The following MFAP5 variants were observed in gnomAD, a reference collection of about 807,000 sequenced individuals.
The protein encoded by MFAP5 is microfibrillar-associated protein 5.
A neutral mutation model predicts 30.1 loss-of-function variants in MFAP5; 19 were observed. The ratio of observed to expected loss-of-function variants is 0.63; its 90% CI spans 0.44 to 0.93. The LOEUF (loss-of-function observed/expected upper bound fraction) is 0.93. Among genes scored for constraint, MFAP5 ranks in the 40% least tolerant of loss-of-function variants. MFAP5 has a pLI of 0.00. For missense variants in MFAP5, 210 were observed against 221.3 expected, an observed-to-expected ratio of 0.95 and a Z score of 0.32; for synonymous variants, 92 against 72.9, an observed-to-expected ratio of 1.26 and a Z score of -1.33.
At chr12:8,658,386 C>T (rs1942060804) in intron 3 of MFAP5, 2 of 152,110 alleles carry the variant, frequency 1.3e-5, no homozygotes, top group Admixed American at 1.3e-4. Flanking sequence ...AGCCTCTTAA[C>T]CTTTCACACT....
chr12:8,652,683 T>C (rs900405918), intron 6 of MFAP5, among the ~76,000 whole-genome samples: 2 of 152,204 alleles, frequency 1.3e-5, no homozygotes, highest in Admixed American at 6.5e-5. Context: ...GTGTATATGC[T>C]GATAATTCCC....
intron 3 of MFAP5, chr12:8,658,399 T>A (rs989179109): frequency 6.6e-6 from 1 of 152,160 alleles, no homozygotes; most frequent in African/African-American, 2.4e-5. Context: ...TTCACACTCA[T>A]TATGGGCTTT....
chr12:8,653,505 C>T (rs1941898464), intron 6 of MFAP5, among the ~76,000 whole-genome samples: 1 of 152,140 alleles, frequency 6.6e-6, no homozygotes, highest in South Asian at 2.1e-4. Flanking sequence ...CGTGTCCACC[C>T]TACACCTTTT....
In MFAP5 at chr12:8,655,432, G is replaced by A; in HGVS notation, c.155C>T (p.Pro52Leu). 2 of 1,606,118 alleles carry A rather than the reference G, an allele frequency of 1.2e-6. No homozygotes were observed. Among genetic ancestry groups the A allele is most frequent in the South Asian group, 1.1e-5 (1 of 88,998 alleles). ...FTEDPNLVND[P>L]ATDETVLAVL... ...AAATTTACCTGTTTCATCTGTAGCG[G>A]GATCATTCACCAGATCTGCAAAGAC... The change falls in exon 5 of 10, where the codon CCC becomes CTC. Residue 52 changes from proline (P) to leucine (L), a missense_variant. Transcript: ENST00000359478.
At chr12:8,650,465 A>T (rs756471420) in intron 8 of MFAP5, 37 bp downstream of exon 8, 1 of 1,587,302 alleles carries the variant, frequency 6.3e-7, no homozygotes, top group Non-Finnish European at 8.7e-7. Context: ...AAACACTACC[A>T]TGGAAGATGC....
chr12:8,650,835 C>A (rs1941818149), intron 7 of MFAP5, among the ~76,000 whole-genome samples: 1 of 152,162 alleles, frequency 6.6e-6, no homozygotes, highest in Non-Finnish European at 1.5e-5. Context: ...TCTGAGAGCA[C>A]TTCTAGGAAT....
intron 3 of MFAP5, among the ~76,000 whole-genome samples, chr12:8,659,816 C>T (rs1047896830): frequency 3.9e-5 from 6 of 152,156 alleles, no homozygotes; most frequent in Non-Finnish European, 8.8e-5. Context: ...AAAACACATG[C>T]AATGCATCCC....
chr12:8,660,532 T>A (rs982500058), intron 3 of MFAP5, among the ~76,000 whole-genome samples: 1 of 152,086 alleles, frequency 6.6e-6, no homozygotes, highest in Non-Finnish European at 1.5e-5. Flanking sequence ...ACGCTTTTTG[T>A]AAGGACTAGT....
intron 3 of MFAP5, among the ~76,000 whole-genome samples, chr12:8,656,102 C>T (rs998339226): frequency 6.7e-6 from 1 of 149,156 alleles, no homozygotes; most frequent in Non-Finnish European, 1.5e-5. Flanking sequence ...GCTCTGTCGC[C>T]CAGGCTGGAG....
chr12:8,655,980 G>A, intron 3 of MFAP5, 150 bp from the exon 4 acceptor site: 1 of 667,286 alleles, frequency 1.5e-6, no homozygotes, highest in East Asian at 2.5e-5. Flanking sequence ...AATGACAAAC[G>A]ATTGATGACT....
At chr12:8,654,035 A>G (rs1389378413) in intron 6 of MFAP5, among the ~76,000 whole-genome samples, 1 of 152,016 alleles carries the variant, frequency 6.6e-6, no homozygotes, top group Non-Finnish European at 1.5e-5. Flanking sequence ...CTGAGAAAGG[A>G]AAATCGCTTG....
At chr12:8,657,566 CTT>C (rs35916052) in intron 3 of MFAP5, among the ~76,000 whole-genome samples, 7,522 of 127,336 alleles carry the variant, frequency 0.059, 94 homozygotes, top group Non-Finnish European at 0.07. Context: ...TTTGCTTTGA[CTT>C]TTTTTTTTTT....
intron 6 of MFAP5, among the ~76,000 whole-genome samples, chr12:8,653,393 C>A (rs1024146712): frequency 5.3e-5 from 8 of 152,064 alleles, no homozygotes; most frequent in Non-Finnish European, 1.0e-4. Flanking sequence ...TTCCACACTG[C>A]CCTGGGAGTA....
intron 3 of MFAP5, among the ~76,000 whole-genome samples, chr12:8,659,323 AT>A (rs1942086413): frequency 6.6e-6 from 1 of 151,308 alleles, no homozygotes. Context: ...AAAAAAAAAA[AT>A]AAAAGGGTCT....
intron 3 of MFAP5, among the ~76,000 whole-genome samples, chr12:8,656,668 ATTT>A (rs1555139703): frequency 2.5e-5 from 3 of 118,804 alleles, no homozygotes; most frequent in Non-Finnish European, 5.1e-5. Context: ...ATATATATAT[ATTT>A]TTTTTTTTTG....
chr12:8,655,862 A>G, intron 3 of MFAP5, 32 bp from the exon 4 acceptor site: 1 of 1,588,804 alleles, frequency 6.3e-7, no homozygotes, highest in Non-Finnish European at 8.6e-7. Flanking sequence ...AATTTCTGAG[A>G]TTCTCTGTCT....
At chr12:8,661,966 C>A (rs1329234422) in intron 2 of MFAP5, 81 bp downstream of exon 2, 3 of 1,334,284 alleles carry the variant, frequency 2.2e-6, no homozygotes, top group Middle Eastern at 3.7e-4. Context: ...TCCTCTTCGA[C>A]CTCATTCCAT....
chr12:8,654,489 G>C lies in MFAP5; in HGVS notation c.173-8C>G. ...CAGCCAAAACAGCCAAAACTGAAAA[G>C]GCACAAAACAGCAGGTATGAGGAGG... On this transcript the variant is annotated splice_polypyrimidine_tract_variant and splice_region_variant and intron_variant, in intron 5 of 9. Coordinates refer to ENST00000359478, the MANE Select transcript of MFAP5 (RefSeq NM_003480.4). The C allele has an allele frequency of 6.2e-7, 1 of 1,601,586 alleles. No homozygotes were observed. The highest frequency in any genetic ancestry group is 8.5e-7 in the Non-Finnish European group (1 of 1,173,904).
At chr12:8,660,224 T>C (rs1942110761) in intron 3 of MFAP5, among the ~76,000 whole-genome samples, 1 of 151,724 alleles carries the variant, frequency 6.6e-6, no homozygotes, top group South Asian at 2.1e-4. Context: ...AGTTCCACTC[T>C]GTTGCCCAGG....
Sources: gnomAD v4.1 joint callset for allele counts (sites outside exome capture counted in the v4.1 genomes callset) on GRCh38, gnomAD v4.1.1 for gene constraint, MANE v1.5 for transcripts, NCBI Gene and HGNC (gene_info 2026-07-23, HGNC 2026-07-21) for gene names.